Variants in SLC9A9 observed in about 807,000 individuals in gnomAD.
The protein encoded by SLC9A9 is solute carrier family 9 member A9.
In SLC9A9, 62 loss-of-function variants were observed where a neutral mutation model predicts 77.8. The observed-to-expected ratio is 0.80, with a 90% CI of 0.65 to 0.98. The LOEUF (loss-of-function observed/expected upper bound fraction) is 0.98. Among genes scored for constraint, SLC9A9 ranks in the 50% least tolerant of loss-of-function variants. SLC9A9 has a pLI of 0.00. For missense variants in SLC9A9, 775 were observed against 774.9 expected (o/e 1.00, Z 0.00); for synonymous variants, 320 against 283.5 (o/e 1.13, Z -1.29).
intron 4 of SLC9A9, among the ~76,000 whole-genome samples, chr3:143,703,921 G>T (rs932436586): frequency 6.6e-6 from 1 of 152,056 alleles, no homozygotes; most frequent in East Asian, 1.9e-4. Context: ...ATCATTAGTC[G>T]CTACCCTGAG....
intron 9 of SLC9A9, chr3:143,503,324 A>T (rs1371927240): frequency 3.3e-6 from 1 of 300,310 alleles, no homozygotes; most frequent in Non-Finnish European, 6.5e-6. Context: ...GCTGTAGCCA[A>T]ATTCATGGTC....
intron 1 of SLC9A9, among the ~76,000 whole-genome samples, chr3:143,833,298 G>A (rs989881926): frequency 4.6e-5 from 7 of 152,124 alleles, no homozygotes; most frequent in Non-Finnish European, 8.8e-5. Context: ...TGCATATTGT[G>A]TACCAGACAT....
Position 143,584,090 on chromosome 3 carries a change from A to G in SLC9A9, c.756-5367T>C, listed in dbSNP as rs567425610. Reference sequence around the variant, plus strand: ...AAATAATAGGTATGAAAAATATTATATAGATGGCACCACAACAATGCCCTC... The same window carrying G: ...AAATAATAGGTATGAAAAATATTATGTAGATGGCACCACAACAATGCCCTC... On this transcript the variant is annotated intron_variant, in intron 6 of 15. Transcript: ENST00000316549. Among the ~76,000 whole-genome samples, 3 of 152,344 alleles carry G rather than the reference A, an allele frequency of 2.0e-5. No individual in the cohort carries two copies. In the South Asian group the frequency reaches 6.2e-4, roughly 32 times the overall value.
chr3:143,831,115 A>G (rs2009424093), intron 2 of SLC9A9, among the ~76,000 whole-genome samples: 1 of 151,208 alleles, frequency 6.6e-6, no homozygotes, highest in Non-Finnish European at 1.5e-5. Context: ...CTTAAAATGG[A>G]AAAAAAAAGG....
At chr3:143,591,479 A>T (rs533209521) in intron 6 of SLC9A9, among the ~76,000 whole-genome samples, 3 of 152,368 alleles carry the variant, frequency 2.0e-5, no homozygotes, top group East Asian at 1.9e-4. Flanking sequence ...CATGAAGTGT[A>T]TATTCTATAG....
At chr3:143,477,228 G>C (rs567300035) in intron 11 of SLC9A9, among the ~76,000 whole-genome samples, 38 of 152,200 alleles carry the variant, frequency 2.5e-4, no homozygotes, top group African/African-American at 8.4e-4. Context: ...CTTTTAAGCA[G>C]CAGCTTCTTA....
intron 12 of SLC9A9, among the ~76,000 whole-genome samples, chr3:143,443,646 G>A (rs2034790753): frequency 6.6e-6 from 1 of 152,036 alleles, no homozygotes; most frequent in African/African-American, 2.4e-5. Context: ...GATGTCTAAG[G>A]TCCAACACAA....
chr3:143,493,286 G>C (rs2035779515), intron 11 of SLC9A9, among the ~76,000 whole-genome samples: 1 of 152,166 alleles, frequency 6.6e-6, no homozygotes, highest in Non-Finnish European at 1.5e-5. Context: ...CATTGGATAA[G>C]AGTGGCACCA....
chr3:143,449,512 A>AATT (rs1449604957), intron 12 of SLC9A9, among the ~76,000 whole-genome samples: 1 of 25,356 alleles, frequency 3.9e-5, no homozygotes, highest in Non-Finnish European at 5.3e-5. Flanking sequence ...TATAAAATAT[A>AATT]ATAATTATAT....
chr3:143,425,318 T>C (rs575326428), intron 12 of SLC9A9, among the ~76,000 whole-genome samples: 2 of 151,178 alleles, frequency 1.3e-5, no homozygotes, highest in East Asian at 1.9e-4. Context: ...GACAAAATAT[T>C]GTATTTGGAA....
At position 143,693,073 on chromosome 3, in the gene SLC9A9, T is replaced by G. The variant is rs111963491; in HGVS notation, c.649+119A>C. ...TGTAATTACTAACAGATATGTCAAC[T>G]GCAGGTGAAGAAAAATAGAAATTAT... On this transcript the variant is annotated intron_variant, in intron 5 of 15. Coordinates refer to ENST00000316549, the MANE Select transcript of SLC9A9 (RefSeq NM_173653.4). The G allele has an allele frequency of 0.015, 11,242 of 733,050 alleles. 880 individuals are homozygous for G. The African/African-American group carries it at 0.17, about 11-fold the overall frequency. The allele number at this position is 733,050 out of a possible 1,614,324, so 45.4% of individuals were successfully genotyped here.
intron 8 of SLC9A9, among the ~76,000 whole-genome samples, chr3:143,559,438 C>A (rs1033814594): frequency 5.9e-5 from 9 of 152,158 alleles, no homozygotes; most frequent in African/African-American, 2.2e-4. Context: ...GATTATCTGC[C>A]AGCATTGTTG....
intron 6 of SLC9A9, among the ~76,000 whole-genome samples, chr3:143,648,984 C>A (rs1325143335): frequency 6.6e-6 from 1 of 152,182 alleles, no homozygotes; most frequent in Non-Finnish European, 1.5e-5. Context: ...TAAGCCATTT[C>A]TATTACCGGT....
intron 6 of SLC9A9, among the ~76,000 whole-genome samples, chr3:143,609,768 T>C (rs1469970344): frequency 2.0e-5 from 3 of 152,194 alleles, no homozygotes. Context: ...TTAGATATCT[T>C]TCCACATCGG....
In SLC9A9 at chr3:143,518,854, C is replaced by T. The variant is rs543859633; in HGVS notation, c.1090-23406G>A. Among the ~76,000 whole-genome samples the T allele has an allele frequency of 2.0e-5, 3 of 152,270 alleles. No individual in the cohort carries two copies. The South Asian group carries it at 6.2e-4, about 32-fold the overall frequency. ...GTGGAACAGTGGAACTTTGACTATTCTTGTACTTGTCTCCTGATGTGCATA... is the reference window on the plus strand; with the variant it reads ...GTGGAACAGTGGAACTTTGACTATTTTTGTACTTGTCTCCTGATGTGCATA... On this transcript the variant is annotated intron_variant, in intron 9 of 15. Transcript: ENST00000316549.
intron 4 of SLC9A9, among the ~76,000 whole-genome samples, chr3:143,737,301 G>C (rs1425471293): frequency 6.6e-6 from 1 of 152,216 alleles, no homozygotes; most frequent in East Asian, 1.9e-4. Context: ...CATTTAGTGT[G>C]CTTCCTGTTA....
chr3:143,496,240 G>A (rs1026432484), intron 9 of SLC9A9, among the ~76,000 whole-genome samples: 3 of 152,134 alleles, frequency 2.0e-5, no homozygotes, highest in Non-Finnish European at 4.4e-5. Context: ...CATGAAAAAC[G>A]TTCTCCAACT....
chr3:143,268,756 A>G (rs1937807754), intron 15 of SLC9A9, 119 bp downstream of exon 15: 4 of 562,502 alleles, frequency 7.1e-6, no homozygotes, highest in Non-Finnish European at 1.3e-5. Context: ...AAAAAAAAAA[A>G]AGCTTCCTCC....
At chr3:143,847,895 C>T (rs913634545) in intron 1 of SLC9A9, 8 of 540,112 alleles carry the variant, frequency 1.5e-5, no homozygotes, top group African/African-American at 3.8e-5. Context: ...ACAATGGACC[C>T]GCATCTGTCA....
Sources: allele counts gnomAD v4.1 joint callset (sites outside exome capture counted in the v4.1 genomes callset), GRCh38; gene constraint gnomAD v4.1.1; transcripts MANE v1.5; gene names NCBI Gene and HGNC (gene_info 2026-07-23, HGNC 2026-07-21).